The following SEMA3C variants were observed in gnomAD, a reference collection of about 807,000 sequenced individuals.
SEMA3C encodes the protein semaphorin-3C.
In SEMA3C, 47 loss-of-function variants were observed where a neutral mutation model predicts 89.4. The ratio of observed to expected loss-of-function variants is 0.53; its 90% CI spans 0.42 to 0.67. SEMA3C has a LOEUF of 0.67. SEMA3C is among the 30% of genes least tolerant of loss of function. The pLI, the probability that SEMA3C is intolerant of heterozygous loss-of-function variation, is 0.00. For missense variants in SEMA3C, 839 were observed against 929.1 expected (o/e 0.90, Z 1.26); for synonymous variants, 310 against 320.2 (o/e 0.97, Z 0.34).
intron 3 of SEMA3C, 74 bp downstream of exon 3, chr7:80,828,511 T>C: frequency 8.1e-7 from 1 of 1,229,150 alleles, no homozygotes; most frequent in East Asian, 2.6e-5. Context: ...CATATTATTT[T>C]TTACTTATTT....
At chr7:80,882,752 C>A (rs1480330698) in intron 2 of SEMA3C, among the ~76,000 whole-genome samples, 1 of 151,766 alleles carries the variant, frequency 6.6e-6, no homozygotes, top group Non-Finnish European at 1.5e-5. Context: ...TTTTTCTTTT[C>A]TTTTTGTAAG....
chr7:80,769,864 C>CCA (rs1788389518), intron 12 of SEMA3C, among the ~76,000 whole-genome samples: 5 of 46,676 alleles, frequency 1.1e-4, no homozygotes, highest in Non-Finnish European at 1.5e-4. Context: ...GTCCCCCCCC[C>CCA]AAAAAAAAAA....
intron 12 of SEMA3C, among the ~76,000 whole-genome samples, chr7:80,777,391 A>G (rs1315777672): frequency 2.6e-5 from 4 of 152,122 alleles, no homozygotes; most frequent in Non-Finnish European, 5.9e-5. Flanking sequence ...TCCCGGGTTC[A>G]AGCGATTCTC....
chr7:80,745,519 T>C (rs1202968958), intron 17 of SEMA3C, among the ~76,000 whole-genome samples: 1 of 151,746 alleles, frequency 6.6e-6, no homozygotes, highest in Non-Finnish European at 1.5e-5. Context: ...CACAGGGGTA[T>C]TGAATCTAAT....
At chr7:80,827,876 A>G (rs1789913249) in intron 3 of SEMA3C, among the ~76,000 whole-genome samples, 1 of 152,166 alleles carries the variant, frequency 6.6e-6, no homozygotes, top group Non-Finnish European at 1.5e-5. Context: ...TATTTTTGGT[A>G]AATCACACAA....
At chr7:80,816,964 G>T (rs1789622204) in intron 5 of SEMA3C, among the ~76,000 whole-genome samples, 1 of 152,208 alleles carries the variant, frequency 6.6e-6, no homozygotes, top group African/African-American at 2.4e-5. Flanking sequence ...TTGTTGGCCT[G>T]TACAGTGACT....
chr7:80,782,080 T>C (rs1310714559), intron 12 of SEMA3C, among the ~76,000 whole-genome samples: 1 of 152,152 alleles, frequency 6.6e-6, no homozygotes, highest in Non-Finnish European at 1.5e-5. Flanking sequence ...TTAAAACAAA[T>C]TTTAAATGGG....
At chr7:80,919,104 G>GCGCCGCGGCGCGCGGCTCCGGCTGCCC, upstream of SEMA3C, 1 of 984,974 alleles carries the variant, frequency 1.0e-6, no homozygotes, top group Non-Finnish European at 1.2e-6. Context: ...TCCGATTACA[G>GCGCCGCGGCGCGCGGCTCCGGCTGCCC]CGCCGCGGCG....
chr7:80,893,520 T>A (rs915883367), intron 2 of SEMA3C, among the ~76,000 whole-genome samples: 4 of 152,184 alleles, frequency 2.6e-5, no homozygotes, highest in African/African-American at 9.7e-5. Context: ...TAGTTATTAT[T>A]CTCATCATCT....
chr7:80,913,451 G>A (rs538969140), intron 2 of SEMA3C, among the ~76,000 whole-genome samples: 2 of 152,292 alleles, frequency 1.3e-5, no homozygotes, highest in South Asian at 4.1e-4. Flanking sequence ...CTAGTGCTTA[G>A]TCATAAAATA....
At chr7:80,817,447 G>C (rs1030321479) in intron 5 of SEMA3C, among the ~76,000 whole-genome samples, 2 of 152,052 alleles carry the variant, frequency 1.3e-5, no homozygotes, top group African/African-American at 4.8e-5. Context: ...AACCAAGTTT[G>C]AAAATTCAGT....
intron 14 of SEMA3C, among the ~76,000 whole-genome samples, chr7:80,760,050 G>A (rs1380434996): frequency 1.3e-5 from 2 of 151,922 alleles, no homozygotes; most frequent in East Asian, 1.9e-4. Context: ...AGCATAAGAT[G>A]GATAATAAAA....
At chr7:80,896,695 C>A (rs1203821125) in intron 2 of SEMA3C, among the ~76,000 whole-genome samples, 2 of 152,168 alleles carry the variant, frequency 1.3e-5, no homozygotes, top group East Asian at 1.9e-4. Flanking sequence ...TTCTTCACAA[C>A]TTGCTGTCTC....
intron 2 of SEMA3C, among the ~76,000 whole-genome samples, chr7:80,881,631 T>C (rs919797922): frequency 6.6e-6 from 1 of 152,226 alleles, no homozygotes; most frequent in African/African-American, 2.4e-5. Context: ...CTCCTACATG[T>C]GATATTTGTC....
At chr7:80,848,601 C>A (rs995814422) in intron 2 of SEMA3C, among the ~76,000 whole-genome samples, 2 of 152,064 alleles carry the variant, frequency 1.3e-5, no homozygotes, top group African/African-American at 2.4e-5. Context: ...AAGGATAAAA[C>A]AATTATTAGT....
intron 2 of SEMA3C, chr7:80,905,902 T>C: frequency 7.8e-7 from 1 of 1,289,554 alleles, no homozygotes; most frequent in Non-Finnish European, 1.0e-6. Context: ...CACACAGCAT[T>C]GTACAAGGTA....
At chr7:80,919,153 C>T, upstream of SEMA3C, 2 of 984,540 alleles carry the variant, frequency 2.0e-6, no homozygotes, top group East Asian at 1.1e-4. Flanking sequence ...CCTGCAGGCT[C>T]GCATCACCAC....
At chr7:80,750,473 T>TATATATATACACACACACACAC (rs869227686) in intron 16 of SEMA3C, among the ~76,000 whole-genome samples, 2 of 55,436 alleles carry the variant, frequency 3.6e-5, no homozygotes, top group Non-Finnish European at 7.0e-5. Flanking sequence ...TATATATATA[T>TATATATATACACACACACACAC]ACACACACAC....
At chr7:80,806,817 C>T (rs184783365) in intron 6 of SEMA3C, among the ~76,000 whole-genome samples, 3 of 152,194 alleles carry the variant, frequency 2.0e-5, no homozygotes, top group East Asian at 1.9e-4. Flanking sequence ...ACCTTCAGAC[C>T]GTGGTCATTT....
Sources: allele counts gnomAD v4.1 joint callset (sites outside exome capture counted in the v4.1 genomes callset), GRCh38; gene constraint gnomAD v4.1.1; transcripts MANE v1.5; gene names NCBI Gene and HGNC (gene_info 2026-07-23, HGNC 2026-07-21).